PRKCB: variants seen among roughly 807,000 people sequenced by gnomAD.
PRKCB encodes protein kinase C beta type.
Under a neutral mutation model 81.5 loss-of-function variants are expected in PRKCB, and 13 were observed. That is an observed-to-expected ratio of 0.16 (90% confidence interval 0.10 to 0.25). PRKCB has a LOEUF of 0.25. PRKCB is among the 10% of genes least tolerant of loss of function. The probability of loss-of-function intolerance (pLI) is 1.00; values close to 1 mark genes in which losing one functional copy is unlikely to be tolerated. For missense variants in PRKCB, 509 were observed against 875.7 expected, an observed-to-expected ratio of 0.58 and a Z score of 5.29; for synonymous variants, 335 against 321.4, an observed-to-expected ratio of 1.04 and a Z score of -0.45.
chr16:24,134,613 G>A (rs1216947353), intron 9 of PRKCB, among the ~76,000 whole-genome samples: 3 of 152,166 alleles, frequency 2.0e-5, no homozygotes, highest in African/African-American at 7.2e-5. Flanking sequence ...GCCGGGCGTG[G>A]TGGCGCATGC....
intron 2 of PRKCB, among the ~76,000 whole-genome samples, chr16:23,988,286 C>T (rs1964827325): frequency 1.3e-5 from 2 of 152,208 alleles, no homozygotes; most frequent in South Asian, 2.1e-4. Flanking sequence ...CCCTAGCTAA[C>T]TTTAGAAGTT....
intron 3 of PRKCB, among the ~76,000 whole-genome samples, chr16:23,998,951 C>T (rs1964994923): frequency 6.6e-6 from 1 of 152,192 alleles, no homozygotes; most frequent in Non-Finnish European, 1.5e-5. Context: ...AGGAAGTACT[C>T]CCTGCAGCCA....
intron 2 of PRKCB, among the ~76,000 whole-genome samples, chr16:23,890,129 A>G (rs186120145): frequency 3.1e-4 from 47 of 152,368 alleles, no homozygotes; most frequent in Non-Finnish European, 5.6e-4. Context: ...AGTAGGTCCT[A>G]TTGAACACTG....
chr16:24,138,141 C>T (rs190874882), intron 9 of PRKCB, among the ~76,000 whole-genome samples: 10 of 152,264 alleles, frequency 6.6e-5, no homozygotes, highest in Non-Finnish European at 1.0e-4. Flanking sequence ...AGTCCTGAAG[C>T]GGTGGAGGCA....
intron 2 of PRKCB, among the ~76,000 whole-genome samples, chr16:23,933,588 TAGACTGGTTTGC>T (rs1337112676): frequency 1.3e-5 from 2 of 152,152 alleles, no homozygotes; most frequent in African/African-American, 4.8e-5. Flanking sequence ...TATTATATTA[TAGACTGGTTTGC>T]AGAGCCTTTT....
intron 10 of PRKCB, among the ~76,000 whole-genome samples, chr16:24,168,653 C>T (rs561275758): frequency 1.5e-4 from 21 of 142,588 alleles, no homozygotes; most frequent in African/African-American, 4.3e-4. Context: ...TGGGCTCAAG[C>T]GATCCTCTTG....
At chr16:24,041,634 G>A (rs1181266583) in intron 5 of PRKCB, among the ~76,000 whole-genome samples, 1 of 151,646 alleles carries the variant, frequency 6.6e-6, no homozygotes, top group Non-Finnish European at 1.5e-5. Context: ...ACAGCCTTAG[G>A]TACTCCCAAT....
At chr16:24,153,037 G>A (rs890527141) in intron 9 of PRKCB, among the ~76,000 whole-genome samples, 3 of 152,124 alleles carry the variant, frequency 2.0e-5, no homozygotes, top group African/African-American at 4.8e-5. Flanking sequence ...AGCTCAGCTC[G>A]GAAGCTTCAG....
At chr16:24,157,346 G>T (rs59277577) in intron 10 of PRKCB, among the ~76,000 whole-genome samples, 4,709 of 152,250 alleles carry the variant, frequency 0.031, 252 homozygotes, top group African/African-American at 0.11. Flanking sequence ...GAGGGACCAA[G>T]TGGGAGGTAA....
chr16:23,977,536 A>G (rs952019297), intron 2 of PRKCB, among the ~76,000 whole-genome samples: 11 of 152,290 alleles, frequency 7.2e-5, no homozygotes, highest in African/African-American at 2.6e-4. Context: ...AGGGATCTAG[A>G]TAAAAAAAGA....
chr16:23,969,174 A>G (rs555793259), intron 2 of PRKCB, among the ~76,000 whole-genome samples: 1 of 152,132 alleles, frequency 6.6e-6, no homozygotes, highest in Non-Finnish European at 1.5e-5. Flanking sequence ...TGTCTCAAAA[A>G]CCAAAACCAA....
At chr16:23,990,694 C>T (rs1053292199) in intron 3 of PRKCB, among the ~76,000 whole-genome samples, 2 of 152,002 alleles carry the variant, frequency 1.3e-5, no homozygotes, top group African/African-American at 2.4e-5. Flanking sequence ...CCTACAAGTG[C>T]ATGCCACCAC....
At position 24,217,102 on chromosome 16, in the gene PRKCB, AAAG is replaced by A. The variant is rs1264731350; in HGVS notation, c.*2292_*2294del. ...GAATGGAAAGAGAAAGAAAGGAAAG[AAAG>A]AAGAAAAAGAAAGAAGGAAAGAAAG... is the stretch of plus-strand genomic sequence containing the variant. On this transcript the variant is annotated 3_prime_UTR_variant, in exon 17 of 17. Transcript: ENST00000643927. 6.1e-6 allele frequency: 6 copies of A among 984,554 alleles called. No individual in the cohort carries two copies. The highest frequency in any genetic ancestry group is 9.4e-5 in the South Asian group (2 of 21,244). The allele number at this position is 984,554 out of a possible 1,614,324, so 61.0% of individuals were successfully genotyped here.
At chr16:23,982,022 ACTTCCCTTTCCCTTCACCTTCCC>A (rs1251387451) in intron 2 of PRKCB, among the ~76,000 whole-genome samples, 33 of 12,310 alleles carry the variant, frequency 2.7e-3, no homozygotes, top group South Asian at 3.4e-3. Flanking sequence ...TTTCCCTTCC[ACTTCCCTTTCCCTTCACCTTCCC>A]CTTCCCTTTC....
Position 24,215,676 on chromosome 16 carries a change from A to T in PRKCB, c.*860A>T. The T allele has an allele frequency of 1.0e-6, 1 of 985,492 alleles. No individual in the cohort carries two copies. Among genetic ancestry groups the T allele is most frequent in the Non-Finnish European group, 1.2e-6 (1 of 829,564 alleles). The allele number at this position is 985,492 out of a possible 1,614,324, so 61.0% of individuals were successfully genotyped here. ...AAAAAAAGAAAAAAAAAGGTGACTC[A>T]CATTGTTACACATGCTTTAAAATAT... On this transcript the variant is annotated 3_prime_UTR_variant, in exon 17 of 17. Transcript: ENST00000643927.
At chr16:23,973,211 T>C (rs1048246305) in intron 2 of PRKCB, among the ~76,000 whole-genome samples, 1 of 152,280 alleles carries the variant, frequency 6.6e-6, no homozygotes, top group East Asian at 1.9e-4. Context: ...AGACAGAATC[T>C]CACTCTGTTG....
chr16:24,180,702 ACAGTG>A, intron 12 of PRKCB, 83 bp from the exon 13 acceptor site: 1 of 1,458,066 alleles, frequency 6.9e-7, no homozygotes, highest in East Asian at 2.4e-5. Context: ...AACACCTAAC[ACAGTG>A]TTTTATGCAT....
chr16:24,089,484 A>G (rs1966349039), intron 5 of PRKCB, among the ~76,000 whole-genome samples: 2 of 152,170 alleles, frequency 1.3e-5, no homozygotes, highest in African/African-American at 4.8e-5. Context: ...AAATAGACAA[A>G]CAGGCAAGGC....
intron 2 of PRKCB, among the ~76,000 whole-genome samples, chr16:23,935,761 C>T (rs943436294): frequency 5.9e-5 from 9 of 151,954 alleles, no homozygotes; most frequent in Non-Finnish European, 1.5e-5. Flanking sequence ...TTATTTTAAG[C>T]AAATTAGAGC....
Sources: allele counts gnomAD v4.1 joint callset (sites outside exome capture counted in the v4.1 genomes callset), GRCh38; gene constraint gnomAD v4.1.1; transcripts MANE v1.5; gene names NCBI Gene and HGNC (gene_info 2026-07-23, HGNC 2026-07-21).